The following CNTLN variants were observed in gnomAD, a reference collection of about 807,000 sequenced individuals.
CNTLN encodes centlein, centrosomal protein.
A neutral mutation model predicts 180.0 loss-of-function variants in CNTLN; 212 were observed. The ratio of observed to expected loss-of-function variants is 1.18; its 90% CI spans 1.05 to 1.32. The LOEUF (loss-of-function observed/expected upper bound fraction) is 1.32, where lower values mean the gene tolerates loss of function less well. Among genes scored for constraint, CNTLN ranks in the 40% most tolerant of loss-of-function variants. The pLI is 0.00. For synonymous variants in CNTLN, 722 were observed against 563.1 expected (o/e 1.28, Z -3.99); for missense variants, 2,095 against 1,610.9 (o/e 1.30, Z -5.14).
the CNTLN span, among the ~76,000 whole-genome samples, chr9:17,516,318 A>G: frequency 6.6e-6 from 1 of 152,200 alleles, no homozygotes; most frequent in Non-Finnish European, 1.5e-5. Context: ...TGGGGGAGAA[A>G]AAGGAATAAC....
At chr9:17,173,735 A>AT (rs928997968) in intron 2 of CNTLN, among the ~76,000 whole-genome samples, 23 of 152,338 alleles carry the variant, frequency 1.5e-4, no homozygotes, top group African/African-American at 4.1e-4. Flanking sequence ...AGGGTCAGCG[A>AT]TTTTTTAAGG....
intron 5 of CNTLN, among the ~76,000 whole-genome samples, chr9:17,257,503 G>T (rs1463644471): frequency 6.6e-6 from 1 of 151,562 alleles, no homozygotes; most frequent in African/African-American, 2.4e-5. Context: ...GTAATGGGAT[G>T]GCTGGGTCAA....
chr9:17,301,542 AC>A (rs1210506484), intron 7 of CNTLN: 1 of 984,760 alleles, frequency 1.0e-6, no homozygotes, highest in African/African-American at 1.7e-5. Context: ...CTCAGAGATT[AC>A]CTTGGGGAGT....
intron 5 of CNTLN, among the ~76,000 whole-genome samples, chr9:17,269,317 G>A (rs1827764737): frequency 6.6e-6 from 1 of 151,616 alleles, no homozygotes; most frequent in Non-Finnish European, 1.5e-5. Flanking sequence ...GGTTCAATTT[G>A]TTCTTCTTCT....
In CNTLN at chr9:17,235,765, A is replaced by C; in HGVS notation, c.642A>C (p.Lys214Asn). 6.2e-7 allele frequency: 1 copy of C among 1,603,098 alleles called. No homozygotes were observed. Among genetic ancestry groups the C allele is most frequent in the Non-Finnish European group, 8.5e-7 (1 of 1,176,550 alleles). The change falls in exon 4 of 26, where the codon AAA (lysine) becomes AAC (asparagine). Residue 214 changes from lysine to asparagine, a missense_variant. Coordinates refer to ENST00000380647, the MANE Select transcript of CNTLN (RefSeq NM_017738.4). ...AAGAATTCAGTGACTTGGAGAAGAA[A>C]TTTAAAGATAAAAGTCAAGAAATTA... ...LRKEFSDLEK[K>N]FKDKSQEIKD... is the part of the protein sequence containing the mutation.
At chr9:17,433,507 A>G (rs960477083) in intron 18 of CNTLN, among the ~76,000 whole-genome samples, 3 of 151,986 alleles carry the variant, frequency 2.0e-5, no homozygotes, top group African/African-American at 4.8e-5. Context: ...GCTGGTCTTG[A>G]ACTCCTGACC....
At chr9:17,514,060 C>A in the CNTLN span, among the ~76,000 whole-genome samples, 1 of 151,992 alleles carries the variant, frequency 6.6e-6, no homozygotes, top group African/African-American at 2.4e-5. Flanking sequence ...GTAATCCCAG[C>A]ACTTTGGGAG....
At chr9:17,521,333 GGCACTAATAGA>G in the CNTLN span, among the ~76,000 whole-genome samples, 1 of 149,828 alleles carries the variant, frequency 6.7e-6, no homozygotes, top group Admixed American at 6.7e-5. Context: ...CAGCTACAAA[GGCACTAATAGA>G]GCAATCTTAG....
At chr9:17,433,037 A>C (rs1476231796) in intron 18 of CNTLN, among the ~76,000 whole-genome samples, 2 of 150,980 alleles carry the variant, frequency 1.3e-5, no homozygotes, top group African/African-American at 4.9e-5. Flanking sequence ...AAAAAAAAAA[A>C]ACAAAGATTA....
intron 2 of CNTLN, among the ~76,000 whole-genome samples, chr9:17,225,787 T>C (rs1216525685): frequency 6.6e-6 from 1 of 152,010 alleles, no homozygotes; most frequent in Non-Finnish European, 1.5e-5. Flanking sequence ...AATCAAAAAA[T>C]TCTAGTTATA....
At chr9:17,265,500 C>A (rs1445395965) in intron 5 of CNTLN, among the ~76,000 whole-genome samples, 1 of 140,900 alleles carries the variant, frequency 7.1e-6, no homozygotes, top group African/African-American at 2.8e-5. Flanking sequence ...GTCTAAAATT[C>A]TCTTTTTTTT....
At chr9:17,274,690 AT>A (rs1259713083) in intron 6 of CNTLN, among the ~76,000 whole-genome samples, 1 of 152,120 alleles carries the variant, frequency 6.6e-6, no homozygotes, top group African/African-American at 2.4e-5. Context: ...TAAGTGATAA[AT>A]AAATGATGGA....
intron 7 of CNTLN, among the ~76,000 whole-genome samples, chr9:17,302,679 A>T (rs1818456312): frequency 6.6e-6 from 1 of 152,184 alleles, no homozygotes; most frequent in African/African-American, 2.4e-5. Flanking sequence ...CAATTTAAAA[A>T]TCATAATTGT....
At chr9:17,498,991 C>G (rs375956617) in intron 25 of CNTLN, among the ~76,000 whole-genome samples, 34 of 152,276 alleles carry the variant, frequency 2.2e-4, no homozygotes, top group African/African-American at 7.0e-4. Flanking sequence ...ATATAATTAA[C>G]TATAAACTCC....
At chr9:17,251,564 C>G (rs1047609814) in intron 5 of CNTLN, among the ~76,000 whole-genome samples, 16 of 151,804 alleles carry the variant, frequency 1.1e-4, no homozygotes, top group African/African-American at 3.6e-4. Flanking sequence ...TTTTTCAGCT[C>G]CTGAATTACT....
At chr9:17,468,430 A>G (rs1054725648) in intron 23 of CNTLN, among the ~76,000 whole-genome samples, 28 of 151,612 alleles carry the variant, frequency 1.8e-4, no homozygotes, top group African/African-American at 6.5e-4. Flanking sequence ...TTTACTCATG[A>G]TGTAGAACCA....
chr9:17,305,776 C>G (rs914647408), intron 7 of CNTLN, among the ~76,000 whole-genome samples: 2 of 152,178 alleles, frequency 1.3e-5, no homozygotes, highest in East Asian at 3.9e-4. Context: ...ACTATCTTTG[C>G]TTCCTGTACT....
chr9:17,316,166 C>T (rs547136786), intron 8 of CNTLN, among the ~76,000 whole-genome samples: 2 of 151,726 alleles, frequency 1.3e-5, no homozygotes, highest in East Asian at 1.9e-4. Context: ...TTTGATGAAT[C>T]GATTCTTTTA....
At chr9:17,211,568 G>A (rs1587165810) in intron 2 of CNTLN, among the ~76,000 whole-genome samples, 1 of 152,150 alleles carries the variant, frequency 6.6e-6, no homozygotes, top group Non-Finnish European at 1.5e-5. Context: ...GAACTTTAAA[G>A]TAGTTTTTTC....
Sources: gnomAD v4.1 joint callset for allele counts (sites outside exome capture counted in the v4.1 genomes callset) on GRCh38, gnomAD v4.1.1 for gene constraint, MANE v1.5 for transcripts, NCBI Gene and HGNC (gene_info 2026-07-23, HGNC 2026-07-21) for gene names.